The following PLCB4 variants were observed in gnomAD, a reference collection of about 807,000 sequenced individuals.
PLCB4 encodes the protein 1-phosphatidylinositol 4,5-bisphosphate phosphodiesterase beta-4.
In PLCB4, 77 loss-of-function variants were observed where a neutral mutation model predicts 178.8. That is an observed-to-expected ratio of 0.43 (90% CI 0.36 to 0.52). PLCB4 has a LOEUF of 0.52. Among genes scored for constraint, PLCB4 ranks in the 20% least tolerant of loss-of-function variants. The pLI is 0.00. For synonymous variants in PLCB4, 496 were observed against 490.8 expected, an observed-to-expected ratio of 1.01 and a Z score of -0.14; for missense variants, 1,024 against 1,453.4, an observed-to-expected ratio of 0.70 and a Z score of 4.80.
At chr20:9,473,480 G>A in intron 38 of PLCB4, 115 bp downstream of exon 38, 1 of 502,428 alleles carries the variant, frequency 2.0e-6, no homozygotes, top group Non-Finnish European at 3.6e-6. Context: ...GTAGATAGAA[G>A]AATTTGTTGC....
At chr20:9,166,199 T>C (rs2092967552) in intron 2 of PLCB4, among the ~76,000 whole-genome samples, 1 of 152,178 alleles carries the variant, frequency 6.6e-6, no homozygotes, top group Non-Finnish European at 1.5e-5. Context: ...GACTTCAGTA[T>C]AGAAAAAACA....
At chr20:9,435,693 T>G in intron 29 of PLCB4, 45 bp downstream of exon 29, 1 of 1,098,548 alleles carries the variant, frequency 9.1e-7, no homozygotes, top group African/African-American at 1.5e-5. Context: ...TGTGGGAGTT[T>G]GATTATCAAA....
At chr20:9,113,555 T>C (rs2091664972) in intron 2 of PLCB4, among the ~76,000 whole-genome samples, 1 of 152,210 alleles carries the variant, frequency 6.6e-6, no homozygotes, top group Non-Finnish European at 1.5e-5. Flanking sequence ...CTGGGGAAGA[T>C]CACATATTAC....
rs1028701766 is a variant in PLCB4 at position 9,410,985 on chromosome 20, G to T, written c.2000-52G>T. 4.5e-6 allele frequency: 6 copies of T among 1,322,124 alleles called. No homozygotes were observed. In the African/African-American group the frequency reaches 7.2e-5, roughly 16 times the overall value. 81.9% of individuals were successfully genotyped at this position (1,322,124 alleles called of 1,614,324 possible). A position where few individuals can be genotyped will look rare whatever the true frequency, so the allele number is the denominator to read the frequency against. On this transcript the variant is annotated intron_variant, in intron 24 of 39. Transcript: ENST00000378473. Reference sequence around the variant, plus strand: ...TATTGTTTCAAATCACCCCGTCAGGGTCTTTTTTGTCTAGGAAGACAAGAT... The same window carrying T: ...TATTGTTTCAAATCACCCCGTCAGGTTCTTTTTTGTCTAGGAAGACAAGAT...
chr20:9,315,016 C>T (rs1482139176), intron 4 of PLCB4, among the ~76,000 whole-genome samples: 1 of 152,092 alleles, frequency 6.6e-6, no homozygotes, highest in Non-Finnish European at 1.5e-5. Context: ...GGATTACAAG[C>T]ATGTGCCACC....
intron 7 of PLCB4, among the ~76,000 whole-genome samples, chr20:9,358,062 G>A (rs2034997542): frequency 6.6e-6 from 1 of 152,190 alleles, no homozygotes; most frequent in Non-Finnish European, 1.5e-5. Flanking sequence ...GATGCTGTTG[G>A]TCTTGGGGCC....
chr20:9,199,742 A>G (rs572412177), intron 2 of PLCB4, among the ~76,000 whole-genome samples: 17 of 152,352 alleles, frequency 1.1e-4, no homozygotes, highest in Non-Finnish European at 2.1e-4. Context: ...TTGGTATTCT[A>G]AATGCCAGGT....
At position 9,428,583 on chromosome 20, in the gene PLCB4, T is replaced by A. The variant is rs191282719; in HGVS notation, c.2524+4631T>A. Among the ~76,000 whole-genome samples the A allele has an allele frequency of 2.3e-3, 345 of 152,296 alleles. 2 individuals carry two copies. Among genetic ancestry groups the A allele is most frequent in the African/African-American group, 7.8e-3 (323 of 41,562 alleles). On this transcript the variant is annotated intron_variant, in intron 28 of 39. Transcript: ENST00000378473. ...GAAATGCAGTTTGAGAAATGCTTAA[T>A]CTTTTGGTAGGAACCCAAAGGACTA...
chr20:9,128,668 A>G (rs2327133), intron 2 of PLCB4, among the ~76,000 whole-genome samples: 134,647 of 152,264 alleles, frequency 0.88, 59,923 homozygotes, highest in East Asian at 1. Flanking sequence ...GATTACAGGC[A>G]TGAGCCACCG....
At chr20:9,105,332 A>C (rs1162125874) in intron 2 of PLCB4, among the ~76,000 whole-genome samples, 2 of 152,130 alleles carry the variant, frequency 1.3e-5, no homozygotes, top group Non-Finnish European at 2.9e-5. Flanking sequence ...TGTAGGACAT[A>C]AAATGAGTTT....
chr20:9,101,586 C>A (rs114531173), intron 2 of PLCB4, among the ~76,000 whole-genome samples: 1,633 of 152,144 alleles, frequency 0.011, 36 homozygotes, highest in African/African-American at 0.037. Context: ...CTGACATTAC[C>A]CTTGTACACC....
intron 2 of PLCB4, among the ~76,000 whole-genome samples, chr20:9,101,083 G>T (rs2091132077): frequency 6.6e-6 from 1 of 152,138 alleles, no homozygotes; most frequent in Non-Finnish European, 1.5e-5. Flanking sequence ...AGGGACAGAG[G>T]TTGCCTGCTG....
chr20:9,278,780 CAT>C (rs2094470740), intron 3 of PLCB4, among the ~76,000 whole-genome samples: 1 of 152,050 alleles, frequency 6.6e-6, no homozygotes, highest in African/African-American at 2.4e-5. Flanking sequence ...GCAGCCGACA[CAT>C]AGAATGGACG....
intron 7 of PLCB4, among the ~76,000 whole-genome samples, chr20:9,352,353 T>C (rs976437889): frequency 6.6e-6 from 1 of 152,198 alleles, no homozygotes; most frequent in African/African-American, 2.4e-5. Flanking sequence ...GTAGTAGATA[T>C]TTGGAAATAG....
At chr20:9,423,012 C>T (rs1393106137) in intron 27 of PLCB4, among the ~76,000 whole-genome samples, 1 of 152,192 alleles carries the variant, frequency 6.6e-6, no homozygotes, top group Non-Finnish European at 1.5e-5. Context: ...CATTGGATAC[C>T]CTTTTTGTAA....
At chr20:9,424,286 A>G (rs1302591990) in intron 28 of PLCB4, among the ~76,000 whole-genome samples, 1 of 152,198 alleles carries the variant, frequency 6.6e-6, no homozygotes, top group Non-Finnish European at 1.5e-5. Context: ...ATAAGGTGAA[A>G]CCATAGATAT....
At chr20:9,384,883 A>G (rs970486391) in intron 14 of PLCB4, among the ~76,000 whole-genome samples, 5 of 151,562 alleles carry the variant, frequency 3.3e-5, no homozygotes, top group African/African-American at 1.2e-4. Flanking sequence ...TCATAGGATA[A>G]TAGTGGAGAG....
chr20:9,239,067 A>AT (rs1433365268), intron 3 of PLCB4, among the ~76,000 whole-genome samples: 2 of 152,276 alleles, frequency 1.3e-5, no homozygotes, highest in East Asian at 3.9e-4. Flanking sequence ...TACAATCTTG[A>AT]TTTTTTGATA....
At chr20:9,419,701 C>T in intron 25 of PLCB4, 106 bp from the exon 26 acceptor site, 1 of 775,456 alleles carries the variant, frequency 1.3e-6, no homozygotes, top group Non-Finnish European at 2.3e-6. Context: ...AAAATCCTAG[C>T]TCCTGTGTTA....
Sources: allele counts gnomAD v4.1 joint callset (sites outside exome capture counted in the v4.1 genomes callset), GRCh38; gene constraint gnomAD v4.1.1; transcripts MANE v1.5; gene names NCBI Gene and HGNC (gene_info 2026-07-23, HGNC 2026-07-21).